ZBTB46: variants seen among roughly 807,000 people sequenced by gnomAD.
ZBTB46 encodes the protein zinc finger and BTB domain-containing protein 46.
ZBTB46 carries 8 observed loss-of-function variants against 44.1 expected under a neutral mutation model. The observed-to-expected ratio is 0.18, with a 90% CI of 0.11 to 0.33. The LOEUF is 0.33. ZBTB46 is among the 10% of genes least tolerant of loss of function. ZBTB46 has a pLI of 1.00. For synonymous variants in ZBTB46, 409 were observed against 382.3 expected, an observed-to-expected ratio of 1.07 and a Z score of -0.81; for missense variants, 651 against 847.7, an observed-to-expected ratio of 0.77 and a Z score of 2.88.
chr20:63,790,237 C>T lies in ZBTB46; in HGVS notation c.521G>A (p.Arg174Gln). ...GRSISPWLAR[R>Q]TSPANSSGDS... ...TCCGGAAGAATTGGCAGGACTCGTT[C>T]GCCGTGCCAGCCACGGGGAGATGCT... The change falls in exon 2 of 5, where the codon CGA becomes CAA. Residue 174 changes from arginine (R) to glutamine (Q), a missense_variant. This residue lies in a region of ZBTB46 where 385 missense variants were observed against 423.3 expected (regional missense o/e 0.91). Transcript: ENST00000245663. 1.9e-6 allele frequency: 3 copies of T among 1,610,878 alleles called. No individual in the cohort carries two copies. Among genetic ancestry groups the T allele is most frequent in the Non-Finnish European group, 2.5e-6 (3 of 1,178,796 alleles).
intron 1 of ZBTB46, among the ~76,000 whole-genome samples, chr20:63,819,034 G>A (rs770514484): frequency 2.6e-5 from 4 of 151,388 alleles, no homozygotes; most frequent in Non-Finnish European, 4.4e-5. Flanking sequence ...TTAGCCAGGC[G>A]TGGTGGTGTG....
At chr20:63,812,650 G>T (rs1375394880) in intron 1 of ZBTB46, among the ~76,000 whole-genome samples, 1 of 151,704 alleles carries the variant, frequency 6.6e-6, no homozygotes, top group African/African-American at 2.4e-5. Flanking sequence ...GTGGTGGCAG[G>T]CGCCTGTAAT....
chr20:63,775,657 GC>G lies in ZBTB46; in HGVS notation c.1222+20del. On this transcript the variant is annotated intron_variant, in intron 3 of 4. Transcript: ENST00000245663. ...TTCAAAACCACACCAAAGCCAAGCG[GC>G]CCCCAGGGCCTGCACTTACGGGACA... 1 of 1,530,646 alleles carries G rather than the reference GC, an allele frequency of 6.5e-7. No homozygotes were observed. The highest frequency in any genetic ancestry group is 2.3e-5 in the East Asian group (1 of 44,004). 94.8% of individuals were successfully genotyped at this position (1,530,646 alleles called of 1,614,324 possible).
rs1392978577 is a variant in ZBTB46, at chr20:63,787,606, C to A, written c.937+2215G>T. On this transcript the variant is annotated intron_variant, in intron 2 of 4. Transcript: ENST00000245663. This position sits in a 1 kb window ranked among gnomAD's most constrained non-coding sequence, Gnocchi z 4.6. ...CTAACACTGGCAGGTTTGTGCTGGG[C>A]CTATAACCGGCTGCACTTTCTAGTT... The A allele has an allele frequency of 6.6e-6, 1 of 152,238 alleles. No individual in the cohort carries two copies. 9.4% of individuals were successfully genotyped at this position (152,238 alleles called of 1,614,324 possible).
At chr20:63,833,713 C>T (rs558827160), upstream of ZBTB46, among the ~76,000 whole-genome samples, 4 of 152,298 alleles carry the variant, frequency 2.6e-5, no homozygotes, top group East Asian at 3.9e-4. Context: ...CTGCCAGTGA[C>T]GGGACAGAGA....
Position 63,790,804 on chromosome 20 carries a change from A to G in ZBTB46, c.-33-14T>C, listed in dbSNP as rs1568873876. 6.6e-7 allele frequency: 1 copy of G among 1,525,136 alleles called. No homozygotes were observed. Among genetic ancestry groups the G allele is most frequent in the East Asian group, 2.4e-5 (1 of 42,328 alleles). 94.5% of individuals were successfully genotyped at this position (1,525,136 alleles called of 1,614,324 possible). A position where few individuals can be genotyped will look rare whatever the true frequency, so the allele number is the denominator to read the frequency against. On this transcript the variant is annotated splice_polypyrimidine_tract_variant and intron_variant, in intron 1 of 4. Transcript: ENST00000245663. ...CTTCTACAGACTCTGTGGAGGTAAG[A>G]ACAAGAGTTACCCAAGCTCAGCACA...
intron 3 of ZBTB46, among the ~76,000 whole-genome samples, chr20:63,755,826 G>C (rs2145780634): frequency 1.3e-5 from 2 of 152,244 alleles, no homozygotes; most frequent in Middle Eastern, 3.4e-3. Flanking sequence ...TTTGGTAACA[G>C]GAATTAAATA....
At chr20:63,788,672 C>T (rs2092535100) in intron 2 of ZBTB46, among the ~76,000 whole-genome samples, 1 of 151,996 alleles carries the variant, frequency 6.6e-6, no homozygotes, top group Non-Finnish European at 1.5e-5. Context: ...AACCCTGTCT[C>T]TACTGAAAAT....
At chr20:63,832,928 C>A (rs2092859328), upstream of ZBTB46, among the ~76,000 whole-genome samples, 1 of 152,002 alleles carries the variant, frequency 6.6e-6, no homozygotes, top group East Asian at 1.9e-4. This position sits in a 1 kb window ranked among gnomAD's most constrained non-coding sequence, Gnocchi z 5.0. Flanking sequence ...CCAGTTGTAC[C>A]CCACGGAGGA....
intron 1 of ZBTB46, among the ~76,000 whole-genome samples, chr20:63,799,197 A>AT (rs879333019): frequency 1.3e-3 from 183 of 142,460 alleles, no homozygotes; most frequent in South Asian, 2.9e-3. Context: ...CACTCAGCTA[A>AT]TTTTTTTTTT....
At chr20:63,764,606 T>C (rs1042232664) in intron 3 of ZBTB46, among the ~76,000 whole-genome samples, 1 of 35,432 alleles carries the variant, frequency 2.8e-5, no homozygotes, top group Non-Finnish European at 6.1e-5. Context: ...TTTTTCTCTG[T>C]TTTTTTTTTT....
intron 1 of ZBTB46, among the ~76,000 whole-genome samples, chr20:63,810,970 T>C (rs2092714328): frequency 6.6e-6 from 1 of 152,174 alleles, no homozygotes; most frequent in Admixed American, 6.5e-5. Context: ...TCCTCACTCC[T>C]ACGAGGAGCT....
chr20:63,763,209 T>C (rs1043174767), intron 3 of ZBTB46, among the ~76,000 whole-genome samples: 1 of 152,226 alleles, frequency 6.6e-6, no homozygotes, highest in African/African-American at 2.4e-5. Context: ...TTTTTAATAA[T>C]GTAATTATTG....
Position 63,752,895 on chromosome 20 carries a change from GCTTGGGATGTACCGCC to G in ZBTB46, c.1223-50_1223-35del. 6.4e-7 allele frequency: 1 copy of G among 1,568,994 alleles called. No homozygotes were observed. ...GAGGGACCCGCGAGGCGTCAGCAGG[GCTTGGGATGTACCGCC>G]CTGCGGCCCACAGACCACGGCTGCA... is the stretch of plus-strand genomic sequence containing the variant. On this transcript the variant is annotated intron_variant, in intron 3 of 4. Coordinates refer to ENST00000245663, the MANE Select transcript of ZBTB46 (RefSeq NM_001369741.1). This position sits in a 1 kb window ranked among gnomAD's most constrained non-coding sequence, Gnocchi z 5.6.
At position 63,787,376 on chromosome 20, in the gene ZBTB46, G is replaced by A. The variant is rs755089526; in HGVS notation, c.937+2445C>T. 3.3e-5 allele frequency among the ~76,000 whole-genome samples: 5 copies of A among 152,224 alleles called. No homozygotes were observed. Among genetic ancestry groups the A allele is most frequent in the Non-Finnish European group, 7.3e-5 (5 of 68,038 alleles). ...AAGTGTTTATAAAGTCTGCAGCAGT[G>A]CACAGTTCTGTCCTCAGCCTTCATG... On this transcript the variant is annotated intron_variant, in intron 2 of 4. Transcript: ENST00000245663. This position sits in a 1 kb window ranked among gnomAD's most constrained non-coding sequence, Gnocchi z 4.6.
In ZBTB46 at chr20:63,773,806, G is replaced by A. The variant is rs372280959; in HGVS notation, c.1222+1872C>T. On this transcript the variant is annotated intron_variant, in intron 3 of 4. Transcript: ENST00000245663. ...CTGACGCCCACGAAACGTGCCCAGC[G>A]CTCCATCTGACCGGCTGGCCGACTG... is the stretch of plus-strand genomic sequence containing the variant. Among the ~76,000 whole-genome samples the A allele has an allele frequency of 4.7e-4, 72 of 152,278 alleles. No individual in the cohort carries two copies. In the East Asian group the frequency reaches 0.011, roughly 22 times the overall value.
chr20:63,810,382 A>G (rs1490114749), intron 1 of ZBTB46, among the ~76,000 whole-genome samples: 3 of 152,210 alleles, frequency 2.0e-5, no homozygotes, highest in African/African-American at 4.8e-5. Context: ...CAGAAAGCCC[A>G]GCTGGTCGTG....
intron 1 of ZBTB46, among the ~76,000 whole-genome samples, chr20:63,828,065 C>A (rs902856735): frequency 3.9e-5 from 6 of 152,244 alleles, no homozygotes; most frequent in African/African-American, 7.2e-5. Flanking sequence ...GGATTACAGG[C>A]GTGAGCCACC....
At chr20:63,769,369 C>G (rs2092347719) in intron 3 of ZBTB46, 9 of 985,286 alleles carry the variant, frequency 9.1e-6, no homozygotes, top group Non-Finnish European at 1.1e-5. Context: ...GCGACCCTCA[C>G]AAGGGACCCA....
Sources: gnomAD v4.1 joint callset for allele counts (sites outside exome capture counted in the v4.1 genomes callset) on GRCh38, gnomAD v4.1.1 for gene constraint, gnomAD v4.1.1 regional missense constraint, Gnocchi (gnomAD v3.1) non-coding constraint, MANE v1.5 for transcripts, NCBI Gene and HGNC (gene_info 2026-07-23, HGNC 2026-07-21) for gene names.